Variants in JOSD1 observed in about 807,000 individuals in gnomAD.
The protein encoded by JOSD1 is Josephin domain containing 1.
A neutral mutation model predicts 24.3 loss-of-function variants in JOSD1; 11 were observed. The ratio of observed to expected loss-of-function variants is 0.45; its 90% CI spans 0.29 to 0.75. The LOEUF (loss-of-function observed/expected upper bound fraction) is 0.75. JOSD1 is among the 30% of genes least tolerant of loss of function. JOSD1 has a pLI of 0.11. For missense variants in JOSD1, 184 were observed against 253.5 expected, an observed-to-expected ratio of 0.73 and a Z score of 1.86; for synonymous variants, 106 against 93.8, an observed-to-expected ratio of 1.13 and a Z score of -0.75.
chr22:38,691,835 C>T (rs1221927721), intron 2 of JOSD1, among the ~76,000 whole-genome samples: 2 of 152,156 alleles, frequency 1.3e-5, no homozygotes, highest in Non-Finnish European at 1.5e-5. Context: ...TAATTACAGC[C>T]CTGTCACTAC....
chr22:38,700,380 G>C lies in JOSD1; in HGVS notation c.-393C>G, dbSNP rs2092563428. 1.0e-6 allele frequency: 1 copy of C among 985,172 alleles called. No individual in the cohort carries two copies. The highest frequency in any genetic ancestry group is 4.5e-5 in the South Asian group (1 of 22,058). 61.0% of individuals were successfully genotyped at this position (985,172 alleles called of 1,614,324 possible). A position where few individuals can be genotyped will look rare whatever the true frequency, so the allele number is the denominator to read the frequency against. ...CAAAGCAGGAGGACCGAACACAATC[G>C]GTCACATCGCTCCTTTTCTTCCATT... On this transcript the variant is annotated 5_prime_UTR_variant, in exon 2 of 5. Transcript: ENST00000683374.
chr22:38,700,819 G>A lies in JOSD1; in HGVS notation c.-651C>T. 1.0e-6 allele frequency: 1 copy of A among 984,890 alleles called. No individual in the cohort carries two copies. The highest frequency in any genetic ancestry group is 1.2e-6 in the Non-Finnish European group (1 of 829,832). The allele number at this position is 984,890 out of a possible 1,614,324, so 61.0% of individuals were successfully genotyped here. On this transcript the variant is annotated 5_prime_UTR_variant, in exon 1 of 5. Coordinates refer to ENST00000683374, the MANE Select transcript of JOSD1 (RefSeq NM_001360236.2). ...ACAAACCTCCCCGCCCGTCACGTGA[G>A]CGCAGGCCCAGACGCCCTCCCGCCG...
Position 38,688,915 on chromosome 22 carries a change from T to A in JOSD1, c.509+20A>T, listed in dbSNP as rs1338624471. On this transcript the variant is annotated intron_variant, in intron 4 of 4. Coordinates refer to ENST00000683374, the MANE Select transcript of JOSD1 (RefSeq NM_001360236.2). ...GAAATGAAGCAGCCTAGCAACTTAG[T>A]CACAAAAGGTGCCGATTACCTGAGC... 1 of 1,600,760 alleles carries A rather than the reference T, an allele frequency of 6.2e-7. No homozygotes were observed. The highest frequency in any genetic ancestry group is 1.1e-5 in the South Asian group (1 of 90,108).
At chr22:38,696,454 G>A (rs1486022098) in intron 2 of JOSD1, among the ~76,000 whole-genome samples, 3 of 151,964 alleles carry the variant, frequency 2.0e-5, no homozygotes, top group Admixed American at 6.6e-5. Context: ...TGGCCAGGCT[G>A]GTCTCAAACT....
chr22:38,692,601 A>G (rs1395648118), intron 2 of JOSD1, among the ~76,000 whole-genome samples: 1 of 151,954 alleles, frequency 6.6e-6, no homozygotes, highest in Non-Finnish European at 1.5e-5. Flanking sequence ...CAACATAGTG[A>G]AACCCCATCT....
At chr22:38,691,679 C>CT (rs1188113613) in intron 2 of JOSD1, among the ~76,000 whole-genome samples, 1 of 151,910 alleles carries the variant, frequency 6.6e-6, no homozygotes, top group Admixed American at 6.6e-5. Flanking sequence ...TTTTCTTTTT[C>CT]TTTTTTTGAG....
At chr22:38,692,979 C>T (rs2092529968) in intron 2 of JOSD1, among the ~76,000 whole-genome samples, 1 of 152,058 alleles carries the variant, frequency 6.6e-6, no homozygotes, top group African/African-American at 2.4e-5. Context: ...AACTCCCTAC[C>T]AGGCTCAAAC....
At position 38,699,952 on chromosome 22, in the gene JOSD1, T is replaced by C; in HGVS notation, c.36A>G (p.Lys12=). 9 of 1,612,310 alleles carry C rather than the reference T, an allele frequency of 5.6e-6. No individual in the cohort carries two copies. Among genetic ancestry groups the C allele is most frequent in the Non-Finnish European group, 7.6e-6 (9 of 1,178,992 alleles). ...SCVPWKGDKA[K]SESLELPQAA... ...CCTGGGGCAGCTCCAATGATTCAGA[T>C]TTGGCCTTGTCTCCTTTCCATGGCA... Residue 12 remains lysine, a synonymous_variant, in exon 2 of 5, where the codon AAA becomes AAG. Coordinates refer to ENST00000683374, the MANE Select transcript of JOSD1 (RefSeq NM_001360236.2).
chr22:38,689,185 GGCTGTAATA>G, intron 3 of JOSD1, 56 bp from the exon 4 acceptor site: 1 of 1,601,598 alleles, frequency 6.2e-7, no homozygotes, highest in Non-Finnish European at 8.5e-7. Flanking sequence ...AAGGTTCCCT[GGCTGTAATA>G]CCACAACTGG....
rs547571673 is a variant in JOSD1 at position 38,688,288 on chromosome 22, G to A, written c.510-287C>T. The stretch of plus-strand genomic sequence containing the variant: ...TTTTCTTGGTTTGTTTGGAGACGGA[G>A]TTTCGCTCTTGTCGCCTGGGCTGGA... On this transcript the variant is annotated intron_variant, in intron 4 of 4. Transcript: ENST00000683374. Among the ~76,000 whole-genome samples, 35 of 152,360 alleles carry A rather than the reference G, an allele frequency of 2.3e-4. 1 individual carries two copies. The highest frequency in any genetic ancestry group is 3.2e-4 in the Non-Finnish European group (22 of 68,034).
At chr22:38,688,087 C>G in intron 4 of JOSD1, 86 bp from the exon 5 acceptor site, 1 of 859,904 alleles carries the variant, frequency 1.2e-6, no homozygotes, top group Non-Finnish European at 1.9e-6. Flanking sequence ...AAACCTCACT[C>G]TACCCTCGGC....
Position 38,686,184 on chromosome 22 carries a change from A to G in JOSD1, c.*1718T>C, listed in dbSNP as rs1341204943. 5 of 152,600 alleles carry G rather than the reference A, an allele frequency of 3.3e-5. No homozygotes were observed. The highest frequency in any genetic ancestry group is 1.3e-4 in the Admixed American group (2 of 15,270). The allele number at this position is 152,600 out of a possible 1,614,324, so 9.5% of individuals were successfully genotyped here. A position where few individuals can be genotyped will look rare whatever the true frequency, so the allele number is the denominator to read the frequency against. On this transcript the variant is annotated 3_prime_UTR_variant, in exon 5 of 5. Transcript: ENST00000683374. ...GACTGCGGCCAGTTGCTGAGAAGAT[A>G]TAACGCAGTAGCCGCTTGGTGGCCT...
chr22:38,692,461 T>C (rs1049168006), intron 2 of JOSD1, among the ~76,000 whole-genome samples: 2 of 152,116 alleles, frequency 1.3e-5, no homozygotes, highest in African/African-American at 4.8e-5. Context: ...AGGCTCTCCA[T>C]GGGTACTCAC....
intron 3 of JOSD1, 40 bp from the exon 4 acceptor site, chr22:38,689,169 T>C: frequency 6.2e-7 from 1 of 1,602,462 alleles, no homozygotes; most frequent in Non-Finnish European, 8.5e-7. Context: ...ATGCAGCCCA[T>C]TTTCCAAGGT....
chr22:38,696,272 C>A (rs1189295345), intron 2 of JOSD1, among the ~76,000 whole-genome samples: 1 of 151,038 alleles, frequency 6.6e-6, no homozygotes, highest in Admixed American at 6.6e-5. Flanking sequence ...GAGTCTCACT[C>A]TGTTGCCCAC....
In JOSD1 at chr22:38,699,915, G is replaced by C; in HGVS notation, c.73C>G (p.Gln25Glu). The change falls in exon 2 of 5, where the codon CAA becomes GAA. Residue 25 changes from glutamine (Q) to glutamate (E), a missense_variant. Gln to Glu is a conservative substitution (Grantham distance 29). Coordinates refer to ENST00000683374, the MANE Select transcript of JOSD1 (RefSeq NM_001360236.2). ...SLELPQAAPPQIYHEKQRREL... is the reference protein window; with the variant it reads ...SLELPQAAPPEIYHEKQRREL... ...CTGCGCTGTTTCTCATGGTAGATTT[G>C]TGGGGGTGCTGCCTGGGGCAGCTCC... is the stretch of plus-strand genomic sequence containing the variant. 1 of 1,614,194 alleles carries C rather than the reference G, an allele frequency of 6.2e-7. No individual in the cohort carries two copies.
intron 2 of JOSD1, among the ~76,000 whole-genome samples, chr22:38,699,094 G>C (rs753592995): frequency 2.6e-5 from 4 of 152,196 alleles, no homozygotes; most frequent in Non-Finnish European, 4.4e-5. Context: ...TTCTAAGTGG[G>C]TAAGAAAGGC....
intron 2 of JOSD1, among the ~76,000 whole-genome samples, chr22:38,690,800 C>A (rs2092518450): frequency 6.6e-6 from 1 of 151,982 alleles, no homozygotes; most frequent in Non-Finnish European, 1.5e-5. Flanking sequence ...GTGGGCAGAT[C>A]ACTTGAGGTC....
chr22:38,690,618 G>C (rs981776740), intron 2 of JOSD1, among the ~76,000 whole-genome samples: 1 of 151,980 alleles, frequency 6.6e-6, no homozygotes. Context: ...GGCCAGGCTG[G>C]TTGGTCTCGA....
Sources: allele counts gnomAD v4.1 joint callset (sites outside exome capture counted in the v4.1 genomes callset), GRCh38; gene constraint gnomAD v4.1.1; transcripts MANE v1.5; gene names NCBI Gene and HGNC (gene_info 2026-07-23, HGNC 2026-07-21).